Variants in GABRB1 observed in about 807,000 individuals in gnomAD.
GABRB1 encodes the protein gamma-aminobutyric acid type A receptor subunit beta1, also known as gamma-aminobutyric acid receptor subunit beta-1.
A neutral mutation model predicts 51.6 loss-of-function variants in GABRB1; 17 were observed. That is an observed-to-expected ratio of 0.33 (90% CI 0.23 to 0.49). GABRB1 has a LOEUF of 0.49. Among genes scored for constraint, GABRB1 ranks in the 20% least tolerant of loss-of-function variants. The pLI, the probability that GABRB1 is intolerant of heterozygous loss-of-function variation, is 0.99. For missense variants in GABRB1, 410 were observed against 600.6 expected, an observed-to-expected ratio of 0.68 and a Z score of 3.32; for synonymous variants, 247 against 218.9, an observed-to-expected ratio of 1.13 and a Z score of -1.14.
chr4:47,257,177 A>G (rs1376072000), intron 4 of GABRB1, among the ~76,000 whole-genome samples: 2 of 152,154 alleles, frequency 1.3e-5, no homozygotes, highest in East Asian at 3.9e-4. Context: ...GTTGTCTTAC[A>G]CTGTTTATGT....
At position 47,388,670 on chromosome 4, in the gene GABRB1, G is replaced by C. The variant is rs183117288; in HGVS notation, c.545-14648G>C. ...AGAAAGAAGACAGATAACCCAAAAA[G>C]TGGTAAAAGAAACAAGGTAGACATG... On this transcript the variant is annotated intron_variant, in intron 5 of 8. Transcript: ENST00000295454. Among the ~76,000 whole-genome samples the C allele has an allele frequency of 1.9e-4, 29 of 152,276 alleles. 1 individual carries two copies. The highest frequency in any genetic ancestry group is 1.8e-3 in the Admixed American group (28 of 15,288).
intron 4 of GABRB1, among the ~76,000 whole-genome samples, chr4:47,178,286 C>G (rs1282307773): frequency 6.6e-6 from 1 of 152,082 alleles, no homozygotes; most frequent in African/African-American, 2.4e-5. Context: ...GGTTAAGAGT[C>G]TATCTCTTTA....
chr4:47,161,547 G>A (rs1399011824), intron 4 of GABRB1, 78 bp downstream of exon 4: 5 of 1,131,808 alleles, frequency 4.4e-6, no homozygotes, highest in Non-Finnish European at 6.5e-6. Flanking sequence ...GGGCAAAGGG[G>A]AGAGAAGCAA....
intron 8 of GABRB1, among the ~76,000 whole-genome samples, chr4:47,422,309 T>C (rs147912529): frequency 3.3e-5 from 5 of 152,332 alleles, no homozygotes; most frequent in African/African-American, 4.8e-5. Flanking sequence ...CCAGCTTCAC[T>C]TGACACCCTA....
intron 4 of GABRB1, among the ~76,000 whole-genome samples, chr4:47,291,512 A>T (rs181525679): frequency 4.5e-4 from 69 of 152,256 alleles, no homozygotes; most frequent in African/African-American, 1.3e-3. Context: ...GGTCCCAGAA[A>T]AGTAGATTCA....
At chr4:47,038,110 TA>T (rs888079419) in intron 3 of GABRB1, among the ~76,000 whole-genome samples, 5 of 152,160 alleles carry the variant, frequency 3.3e-5, no homozygotes, top group Non-Finnish European at 5.9e-5. Flanking sequence ...TCCCTCAAAA[TA>T]AAAAAATCTT....
chr4:47,125,850 C>T (rs1172899389), intron 3 of GABRB1, among the ~76,000 whole-genome samples: 4 of 149,960 alleles, frequency 2.7e-5, no homozygotes, highest in African/African-American at 7.3e-5. Flanking sequence ...CCACCGCGCC[C>T]GGCCCAAAGT....
chr4:47,158,806 CT>C (rs1303981550), intron 3 of GABRB1, among the ~76,000 whole-genome samples: 1 of 151,954 alleles, frequency 6.6e-6, no homozygotes, highest in African/African-American at 2.4e-5. Context: ...AATAGAAATG[CT>C]TATGAAAATG....
At chr4:47,250,785 A>G (rs953603546) in intron 4 of GABRB1, among the ~76,000 whole-genome samples, 4 of 152,054 alleles carry the variant, frequency 2.6e-5, no homozygotes, top group African/African-American at 9.7e-5. Flanking sequence ...TGTGTGTCCA[A>G]TGTTTCCTGA....
chr4:47,426,031 T>C lies in GABRB1; in HGVS notation c.*13T>C, dbSNP rs769397165. On this transcript the variant is annotated 3_prime_UTR_variant, in exon 9 of 9. Coordinates refer to ENST00000295454, the MANE Select transcript of GABRB1 (RefSeq NM_000812.4). ...CTATGTACACTGAGGTCTGTTCTAATGGTTCCATTTAGACTACTTTCCTCT... is the reference window on the plus strand; with the variant it reads ...CTATGTACACTGAGGTCTGTTCTAACGGTTCCATTTAGACTACTTTCCTCT... 2 of 1,532,906 alleles carry C rather than the reference T, an allele frequency of 1.3e-6. No individual in the cohort carries two copies. The highest frequency in any genetic ancestry group is 2.5e-5 in the South Asian group (2 of 79,142). The allele number at this position is 1,532,906 out of a possible 1,614,324, so 95.0% of individuals were successfully genotyped here.
At chr4:47,299,018 G>C (rs1724135915) in intron 4 of GABRB1, among the ~76,000 whole-genome samples, 1 of 151,452 alleles carries the variant, frequency 6.6e-6, no homozygotes, top group African/African-American at 2.4e-5. Flanking sequence ...AATGGTGCTG[G>C]GAAAACTGGC....
In GABRB1 at chr4:47,401,168, C is replaced by A. The variant is rs185493212; in HGVS notation, c.545-2150C>A. On this transcript the variant is annotated intron_variant, in intron 5 of 8. Transcript: ENST00000295454. ...GTTGTGATAAATGTACGAATGCAGT[C>A]TTTTATATATAATGACTTCTTTTCC... Among the ~76,000 whole-genome samples, 24 of 152,080 alleles carry A rather than the reference C, an allele frequency of 1.6e-4. 1 individual carries two copies. Among genetic ancestry groups the A allele is most frequent in the African/African-American group, 5.5e-4 (23 of 41,498 alleles).
intron 3 of GABRB1, among the ~76,000 whole-genome samples, chr4:47,092,903 G>C (rs1020364665): frequency 7.9e-5 from 12 of 152,134 alleles, no homozygotes; most frequent in Admixed American, 1.3e-4. Flanking sequence ...GTGAGCCACT[G>C]CGTCCCGCCG....
At chr4:47,230,195 T>C (rs189297228) in intron 4 of GABRB1, among the ~76,000 whole-genome samples, 1 of 152,236 alleles carries the variant, frequency 6.6e-6, no homozygotes, top group Non-Finnish European at 1.5e-5. Context: ...AGGAAGAGTA[T>C]TGCTAAGGAA....
intron 5 of GABRB1, among the ~76,000 whole-genome samples, chr4:47,320,429 C>A (rs1322745391): frequency 2.0e-5 from 3 of 152,180 alleles, no homozygotes. Context: ...TTTATAAACT[C>A]ATACTTTCTC....
intron 5 of GABRB1, among the ~76,000 whole-genome samples, chr4:47,323,933 G>A (rs531230779): frequency 6.6e-6 from 1 of 152,200 alleles, no homozygotes; most frequent in Non-Finnish European, 1.5e-5. Flanking sequence ...AATCAATCAA[G>A]GAATTTAGTC....
intron 5 of GABRB1, among the ~76,000 whole-genome samples, chr4:47,396,630 AT>A (rs1228343806): frequency 6.6e-6 from 1 of 152,188 alleles, no homozygotes; most frequent in Non-Finnish European, 1.5e-5. Flanking sequence ...ACAATAGTTC[AT>A]GGCATGAAAG....
At chr4:47,002,806 C>T (rs995092348) in intron 1 of GABRB1, among the ~76,000 whole-genome samples, 2 of 152,100 alleles carry the variant, frequency 1.3e-5, no homozygotes, top group Admixed American at 6.6e-5. Context: ...CTCTTCATTA[C>T]CATCTGGTGG....
intron 3 of GABRB1, among the ~76,000 whole-genome samples, chr4:47,055,691 C>T (rs1290303851): frequency 6.6e-6 from 1 of 152,150 alleles, no homozygotes; most frequent in East Asian, 1.9e-4. Flanking sequence ...AAATTCTCAG[C>T]TAGAGATCAG....
Sources: allele counts gnomAD v4.1 joint callset (sites outside exome capture counted in the v4.1 genomes callset), GRCh38; gene constraint gnomAD v4.1.1; transcripts MANE v1.5; gene names NCBI Gene and HGNC (gene_info 2026-07-23, HGNC 2026-07-21).